Variants in PPP2R2B observed in about 807,000 individuals in gnomAD.
The protein encoded by PPP2R2B is protein phosphatase 2 regulatory subunit Bbeta.
In PPP2R2B, 5 loss-of-function variants were observed where a neutral mutation model predicts 46.0. The ratio of observed to expected loss-of-function variants is 0.11; its 90% CI spans 0.06 to 0.23. PPP2R2B has a LOEUF of 0.23. Ranked by LOEUF, PPP2R2B falls within the 10% of genes least tolerant of loss-of-function variation. The pLI is 1.00. For synonymous variants in PPP2R2B, 215 were observed against 206.7 expected (o/e 1.04, Z -0.34); for missense variants, 367 against 575.0 (o/e 0.64, Z 3.70).
intron 2 of PPP2R2B, among the ~76,000 whole-genome samples, chr5:146,875,904 C>T (rs1396906924): frequency 6.6e-6 from 1 of 152,184 alleles, no homozygotes; most frequent in Non-Finnish European, 1.5e-5. Flanking sequence ...CCTCTGGCAA[C>T]AAAATTGCAT....
intron 1 of PPP2R2B, among the ~76,000 whole-genome samples, chr5:146,938,716 T>C (rs953203784): frequency 4.0e-5 from 6 of 151,562 alleles, no homozygotes; most frequent in South Asian, 4.2e-4. Flanking sequence ...GTTCTAATTT[T>C]TCAAAAATTG....
chr5:146,691,054 T>C (rs1171640554), intron 5 of PPP2R2B, 74 bp downstream of exon 5: 2 of 1,328,272 alleles, frequency 1.5e-6, no homozygotes, highest in Non-Finnish European at 1.1e-6. Context: ...CAACCTACAG[T>C]AACAACCAGC....
At chr5:147,005,908 G>T (rs192229222) in intron 1 of PPP2R2B, among the ~76,000 whole-genome samples, 16 of 152,260 alleles carry the variant, frequency 1.1e-4, no homozygotes, top group Admixed American at 2.0e-4. Context: ...ATAATTGAGG[G>T]TCTTCTCTGT....
chr5:146,915,065 A>G (rs1260062098), intron 1 of PPP2R2B, among the ~76,000 whole-genome samples: 2 of 152,094 alleles, frequency 1.3e-5, no homozygotes, highest in Non-Finnish European at 2.9e-5. Context: ...TCAAGGTTTT[A>G]TGTACTACAT....
intron 1 of PPP2R2B, among the ~76,000 whole-genome samples, chr5:147,024,124 G>A (rs1005274639): frequency 4.0e-5 from 6 of 151,862 alleles, no homozygotes; most frequent in African/African-American, 1.5e-4. Context: ...CCATAATTGC[G>A]TGAGCCAATT....
chr5:146,751,793 G>A (rs989472081), intron 2 of PPP2R2B, among the ~76,000 whole-genome samples: 1 of 152,158 alleles, frequency 6.6e-6, no homozygotes, highest in African/African-American at 2.4e-5. Flanking sequence ...AGGTCTTCTG[G>A]TGAACATATG....
chr5:146,865,539 T>C (rs138575003), intron 2 of PPP2R2B, among the ~76,000 whole-genome samples: 3 of 152,306 alleles, frequency 2.0e-5, no homozygotes, highest in Middle Eastern at 3.4e-3. Context: ...ATATTCCCAA[T>C]AGAAGGCAAG....
At chr5:146,873,239 C>T (rs1412188092) in intron 2 of PPP2R2B, among the ~76,000 whole-genome samples, 1 of 152,214 alleles carries the variant, frequency 6.6e-6, no homozygotes, top group Non-Finnish European at 1.5e-5. Context: ...TTCTCTATTA[C>T]GTATCTTAAA....
intron 2 of PPP2R2B, chr5:146,751,507 A>G (rs1460005868): frequency 6.6e-6 from 1 of 152,192 alleles, no homozygotes; most frequent in African/African-American, 2.4e-5. Context: ...TCTTTGCAGC[A>G]TATCATGACT....
intron 5 of PPP2R2B, among the ~76,000 whole-genome samples, chr5:146,660,180 T>C (rs866216361): frequency 2.0e-5 from 3 of 152,162 alleles, no homozygotes; most frequent in Non-Finnish European, 4.4e-5. Flanking sequence ...GTGTACCCAT[T>C]ATTGAAGGGT....
At chr5:146,875,900 G>A (rs913330410) in intron 2 of PPP2R2B, among the ~76,000 whole-genome samples, 4 of 152,122 alleles carry the variant, frequency 2.6e-5, no homozygotes, top group Non-Finnish European at 5.9e-5. Context: ...TCCCCCTCTG[G>A]CAACAAAATT....
At chr5:146,908,516 A>C (rs1477948522) in intron 1 of PPP2R2B, among the ~76,000 whole-genome samples, 2 of 150,802 alleles carry the variant, frequency 1.3e-5, no homozygotes, top group Admixed American at 6.6e-5. Context: ...GTAATAAAGA[A>C]ATTGTTAGAT....
intron 1 of PPP2R2B, among the ~76,000 whole-genome samples, chr5:147,033,300 T>C (rs1364289602): frequency 6.6e-6 from 1 of 152,142 alleles, no homozygotes; most frequent in East Asian, 1.9e-4. Flanking sequence ...TCTCATTCTG[T>C]TCTCTTCCCA....
intron 2 of PPP2R2B, among the ~76,000 whole-genome samples, chr5:146,840,693 CA>C (rs1759583141): frequency 6.6e-6 from 1 of 152,084 alleles, no homozygotes; most frequent in South Asian, 2.1e-4. Context: ...TGTTTTTATA[CA>C]AAACAAAAAT....
chr5:146,939,696 G>A (rs1001962584), intron 1 of PPP2R2B, among the ~76,000 whole-genome samples: 1 of 152,090 alleles, frequency 6.6e-6, no homozygotes, highest in Non-Finnish European at 1.5e-5. Context: ...TGCTTGAATA[G>A]GAAAAATTGT....
chr5:146,853,585 C>G (rs1760477074), intron 2 of PPP2R2B, among the ~76,000 whole-genome samples: 1 of 152,036 alleles, frequency 6.6e-6, no homozygotes, highest in Non-Finnish European at 1.5e-5. Flanking sequence ...ATTTCAAAAC[C>G]CTAATTGAGT....
intron 8 of PPP2R2B, among the ~76,000 whole-genome samples, chr5:146,595,009 A>G (rs1446094165): frequency 6.6e-6 from 1 of 152,188 alleles, no homozygotes; most frequent in Non-Finnish European, 1.5e-5. Context: ...GGCTCATCCT[A>G]TGTTCCATTA....
chr5:146,907,278 C>T (rs1763031093), intron 1 of PPP2R2B, among the ~76,000 whole-genome samples: 3 of 152,086 alleles, frequency 2.0e-5, no homozygotes, highest in Admixed American at 2.0e-4. Flanking sequence ...CACAAGCGAG[C>T]TGGGGGATTA....
At chr5:146,891,495 AT>A (rs540203214) in intron 1 of PPP2R2B, among the ~76,000 whole-genome samples, 8 of 152,080 alleles carry the variant, frequency 5.3e-5, no homozygotes, top group African/African-American at 1.9e-4. Flanking sequence ...GCTCTTTTTA[AT>A]TTTTTTTAAG....
Sources: allele counts gnomAD v4.1 joint callset (sites outside exome capture counted in the v4.1 genomes callset), GRCh38; gene constraint gnomAD v4.1.1; transcripts MANE v1.5; gene names NCBI Gene and HGNC (gene_info 2026-07-23, HGNC 2026-07-21).